The following PRMT3 variants were observed in gnomAD, a reference collection of about 807,000 sequenced individuals.
PRMT3 encodes protein arginine N-methyltransferase 3.
Under a neutral mutation model 71.9 loss-of-function variants are expected in PRMT3, and 62 were observed. That is an observed-to-expected ratio of 0.86 (90% CI 0.70 to 1.07). PRMT3 has a LOEUF of 1.07. PRMT3 is among the 50% of genes least tolerant of loss of function. The pLI, the probability that PRMT3 is intolerant of heterozygous loss-of-function variation, is 0.00. For missense variants in PRMT3, 663 were observed against 643.0 expected (o/e 1.03, Z -0.34); for synonymous variants, 213 against 220.4 (o/e 0.97, Z 0.30).
chr11:20,445,079 AAACATAGGTT>A (rs199524394), intron 10 of PRMT3, among the ~76,000 whole-genome samples: 1 of 43,616 alleles, frequency 2.3e-5, no homozygotes, highest in Non-Finnish European at 1.5e-4. Context: ...TTAAATATAA[AAACATAGGTT>A]AAAAGTGGAT....
chr11:20,450,279 T>G (rs1000283931), intron 10 of PRMT3, among the ~76,000 whole-genome samples: 1 of 152,154 alleles, frequency 6.6e-6, no homozygotes, highest in Non-Finnish European at 1.5e-5. Context: ...ATCTATTATG[T>G]TTTACCAGCC....
chr11:20,401,671 C>A (rs1848952598), intron 7 of PRMT3, among the ~76,000 whole-genome samples: 1 of 152,158 alleles, frequency 6.6e-6, no homozygotes, highest in South Asian at 2.1e-4. Context: ...AATTCCCATT[C>A]TATGATATTT....
At chr11:20,469,043 G>GT (rs1383289942) in intron 13 of PRMT3, among the ~76,000 whole-genome samples, 1 of 152,146 alleles carries the variant, frequency 6.6e-6, no homozygotes, top group African/African-American at 2.4e-5. Context: ...TTTTCAATGA[G>GT]TACTGGTACC....
chr11:20,498,182 TG>T (rs1851375698), intron 15 of PRMT3, among the ~76,000 whole-genome samples: 1 of 152,056 alleles, frequency 6.6e-6, no homozygotes. Flanking sequence ...CAGTAGCTTA[TG>T]GGGAAATACC....
At chr11:20,451,210 A>C (rs939864478) in intron 10 of PRMT3, among the ~76,000 whole-genome samples, 1 of 152,130 alleles carries the variant, frequency 6.6e-6, no homozygotes, top group Non-Finnish European at 1.5e-5. Flanking sequence ...AGGATTCATT[A>C]TCATACTCTA....
intron 10 of PRMT3, among the ~76,000 whole-genome samples, chr11:20,435,542 T>TGTTG (rs1260595066): frequency 1.3e-5 from 2 of 152,126 alleles, no homozygotes; most frequent in Non-Finnish European, 2.9e-5. Flanking sequence ...GTTTGATTTT[T>TGTTG]GTTTGTTTGT....
chr11:20,470,872 G>C (rs568184494), intron 13 of PRMT3, among the ~76,000 whole-genome samples: 2 of 152,062 alleles, frequency 1.3e-5, no homozygotes, highest in South Asian at 2.1e-4. Flanking sequence ...TGTAAACAGC[G>C]TTCCTCCTTC....
intron 13 of PRMT3, among the ~76,000 whole-genome samples, chr11:20,492,929 C>T (rs1463083223): frequency 6.6e-6 from 1 of 151,970 alleles, no homozygotes; most frequent in South Asian, 2.1e-4. Context: ...TGGTGGCGCA[C>T]GCCTGTAGTC....
chr11:20,426,879 G>GA lies in PRMT3; in HGVS notation c.993+20dup, dbSNP rs1436823341. The GA allele has an allele frequency of 2.0e-6, 3 of 1,515,224 alleles. No individual in the cohort carries two copies. Among genetic ancestry groups the GA allele is most frequent in the African/African-American group, 1.5e-5 (1 of 68,424 alleles). The allele number at this position is 1,515,224 out of a possible 1,614,324, so 93.9% of individuals were successfully genotyped here. On this transcript the variant is annotated intron_variant, in intron 10 of 15. Transcript: ENST00000331079. ...TCTGAGTGGATGGTGAGTGTTTATA[G>GA]AAAAAACTACTTTCACTGGTAAAAT...
At chr11:20,402,338 C>G (rs111845033) in intron 7 of PRMT3, among the ~76,000 whole-genome samples, 1 of 152,014 alleles carries the variant, frequency 6.6e-6, no homozygotes, top group Non-Finnish European at 1.5e-5. Context: ...AGGCTGGTCT[C>G]GAACTCCTGA....
At position 20,387,991 on chromosome 11, in the gene PRMT3, C is replaced by T; in HGVS notation, c.29-28C>T. 6.2e-7 allele frequency: 1 copy of T among 1,613,048 alleles called. No individual in the cohort carries two copies. The highest frequency in any genetic ancestry group is 8.5e-7 in the Non-Finnish European group (1 of 1,179,648). On this transcript the variant is annotated intron_variant, in intron 1 of 15. Transcript: ENST00000331079. This position sits in a 1 kb window ranked among gnomAD's most constrained non-coding sequence, Gnocchi z 4.3. ...CCCGGGCCGCACCGGTGTCCGAGGCCGATCTGATTGTTGTGTGTGTGTGTT... is the reference window on the plus strand; with the variant it reads ...CCCGGGCCGCACCGGTGTCCGAGGCTGATCTGATTGTTGTGTGTGTGTGTT...
At chr11:20,429,508 T>C (rs1292954216) in intron 10 of PRMT3, among the ~76,000 whole-genome samples, 1 of 152,178 alleles carries the variant, frequency 6.6e-6, no homozygotes, top group East Asian at 1.9e-4. Context: ...ACCTCTCTCT[T>C]CATCAGGAAG....
chr11:20,452,022 G>GAA, intron 10 of PRMT3, 108 bp from the exon 11 acceptor site: 2 of 726,696 alleles, frequency 2.8e-6, no homozygotes, highest in Non-Finnish European at 2.0e-6. Flanking sequence ...ATCTGTGGCA[G>GAA]AAAAAAAAAT....
intron 13 of PRMT3, among the ~76,000 whole-genome samples, chr11:20,471,288 C>T (rs1431513368): frequency 1.3e-5 from 2 of 152,010 alleles, no homozygotes; most frequent in African/African-American, 2.4e-5. Context: ...GAAATCTTTG[C>T]CCGTGCCTAT....
At chr11:20,500,110 G>A (rs1851423767) in intron 15 of PRMT3, among the ~76,000 whole-genome samples, 1 of 152,156 alleles carries the variant, frequency 6.6e-6, no homozygotes, top group African/African-American at 2.4e-5. Context: ...AGCTCCTGGA[G>A]GAGCAATGAA....
At chr11:20,466,030 C>T (rs1850503867) in intron 13 of PRMT3, among the ~76,000 whole-genome samples, 1 of 152,138 alleles carries the variant, frequency 6.6e-6, no homozygotes, top group Non-Finnish European at 1.5e-5. Context: ...GTGCCTATCA[C>T]ATGAATCAAA....
At chr11:20,419,613 G>A (rs1849381994) in intron 9 of PRMT3, among the ~76,000 whole-genome samples, 1 of 152,116 alleles carries the variant, frequency 6.6e-6, no homozygotes, top group Non-Finnish European at 1.5e-5. Flanking sequence ...TTATAATTGT[G>A]CTTTTTACAC....
At chr11:20,438,533 A>G (rs913813568) in intron 10 of PRMT3, among the ~76,000 whole-genome samples, 4 of 152,084 alleles carry the variant, frequency 2.6e-5, no homozygotes, top group African/African-American at 9.6e-5. Context: ...TACTAGAGTC[A>G]TTGTGTAGGG....
At position 20,389,779 on chromosome 11, in the gene PRMT3, G is replaced by GT; in HGVS notation, c.201dup (p.Lys68Ter). 1 of 1,612,326 alleles carries GT rather than the reference G, an allele frequency of 6.2e-7. No homozygotes were observed. Among genetic ancestry groups the GT allele is most frequent in the Non-Finnish European group, 8.5e-7 (1 of 1,178,616 alleles). On this transcript the variant is annotated frameshift_variant, in exon 3 of 16. Transcript: ENST00000331079. LOFTEE classifies it high-confidence loss of function. ...TCTGCTGAAGAAACATTTTCACACT[G>GT]TAAGTCTGAGCATCAGTTTAATATT...
Sources: allele counts gnomAD v4.1 joint callset (sites outside exome capture counted in the v4.1 genomes callset), GRCh38; gene constraint gnomAD v4.1.1; non-coding constraint Gnocchi (gnomAD v3.1); transcripts MANE v1.5; gene names NCBI Gene and HGNC (gene_info 2026-07-23, HGNC 2026-07-21).